Variants in EYS observed in about 807,000 individuals in gnomAD.
The protein encoded by EYS is EGF-like photoreceptor maintenance factor, also known as protein eyes shut homolog.
In EYS, 250 loss-of-function variants were observed where a neutral mutation model predicts 282.1. The observed-to-expected ratio is 0.89, with a 90% CI of 0.80 to 0.98. The LOEUF (loss-of-function observed/expected upper bound fraction) is 0.98, where lower values mean the gene tolerates loss of function less well. Among genes scored for constraint, EYS ranks in the 50% least tolerant of loss-of-function variants. The pLI is 0.00. For missense variants in EYS, 4,016 were observed against 3,709.0 expected, an observed-to-expected ratio of 1.08 and a Z score of -2.15; for synonymous variants, 1,355 against 1,282.9, an observed-to-expected ratio of 1.06 and a Z score of -1.20.
At chr6:65,102,667 T>G (rs1774928207) in intron 12 of EYS, among the ~76,000 whole-genome samples, 1 of 151,320 alleles carries the variant, frequency 6.6e-6, no homozygotes, top group African/African-American at 2.4e-5. Flanking sequence ...TCAGGCTTGA[T>G]AATTTCACAC....
At chr6:64,368,311 C>G (rs1341593083) in intron 29 of EYS, among the ~76,000 whole-genome samples, 2 of 152,032 alleles carry the variant, frequency 1.3e-5, no homozygotes, top group African/African-American at 2.4e-5. Context: ...TGTATATGTA[C>G]CACATATTTT....
chr6:64,227,699 C>A (rs1478689425), intron 31 of EYS, among the ~76,000 whole-genome samples: 1 of 152,002 alleles, frequency 6.6e-6, no homozygotes. Context: ...GGACTCTTCA[C>A]AATAATATTA....
chr6:64,098,169 T>C (rs1314710634), intron 31 of EYS, among the ~76,000 whole-genome samples: 1 of 152,184 alleles, frequency 6.6e-6, no homozygotes, highest in African/African-American at 2.4e-5. Context: ...TTCCTAGATA[T>C]TTCTAGATCT....
chr6:65,520,591 G>A (rs575574077), intron 2 of EYS, among the ~76,000 whole-genome samples: 23 of 151,566 alleles, frequency 1.5e-4, no homozygotes, highest in Non-Finnish European at 2.6e-4. Flanking sequence ...TATCATTTAT[G>A]TAACAGTCTA....
At chr6:65,335,676 C>G (rs1582154416) in intron 10 of EYS, among the ~76,000 whole-genome samples, 1 of 151,652 alleles carries the variant, frequency 6.6e-6, no homozygotes, top group Admixed American at 6.6e-5. Context: ...GCTTGCCTGT[C>G]CCCCATAAAT....
chr6:63,789,256 C>A (rs1342642659), intron 37 of EYS, 32 bp from the exon 38 acceptor site: 1 of 1,539,788 alleles, frequency 6.5e-7, no homozygotes, highest in Admixed American at 2.0e-5. Flanking sequence ...GGAATGCTCA[C>A]TGAGAGGAAA....
chr6:64,026,207 G>A (rs1265400083), intron 33 of EYS, among the ~76,000 whole-genome samples: 1 of 152,130 alleles, frequency 6.6e-6, no homozygotes, highest in Admixed American at 6.6e-5. Context: ...AGGGTCCAGG[G>A]ACTGTTATGG....
At chr6:64,740,738 G>C in intron 22 of EYS, among the ~76,000 whole-genome samples, 1 of 137,250 alleles carries the variant, frequency 7.3e-6, no homozygotes, top group South Asian at 2.3e-4. Flanking sequence ...TTTTTTTACT[G>C]AGTCTCGCTC....
chr6:64,830,845 C>A (rs1226295987), intron 19 of EYS, among the ~76,000 whole-genome samples: 2 of 151,952 alleles, frequency 1.3e-5, no homozygotes, highest in African/African-American at 4.8e-5. Flanking sequence ...ACACTCAATT[C>A]CACAAATAGA....
At chr6:65,519,427 C>T (rs1035901615) in intron 2 of EYS, among the ~76,000 whole-genome samples, 1 of 150,234 alleles carries the variant, frequency 6.7e-6, no homozygotes, top group African/African-American at 2.5e-5. Flanking sequence ...TATGATTTTA[C>T]CTTAAACATT....
chr6:65,301,396 G>A (rs908071384), intron 11 of EYS, among the ~76,000 whole-genome samples: 2 of 152,172 alleles, frequency 1.3e-5, no homozygotes, highest in African/African-American at 4.8e-5. Context: ...CAGAACCCTC[G>A]CGCCCTGCGT....
chr6:63,999,646 C>A (rs918595385), intron 33 of EYS, among the ~76,000 whole-genome samples: 10 of 152,136 alleles, frequency 6.6e-5, no homozygotes, highest in African/African-American at 2.4e-4. Flanking sequence ...AGGCTGCATA[C>A]CCCTGAGCAG....
intron 2 of EYS, among the ~76,000 whole-genome samples, chr6:65,531,862 T>A (rs1446267493): frequency 1.3e-5 from 2 of 152,144 alleles, no homozygotes; most frequent in African/African-American, 4.8e-5. Context: ...CGGTAATATA[T>A]AGAACATCTT....
At chr6:65,658,919 T>C (rs1218837390) in intron 1 of EYS, among the ~76,000 whole-genome samples, 1 of 151,444 alleles carries the variant, frequency 6.6e-6, no homozygotes, top group Non-Finnish European at 1.5e-5. Context: ...TAAACCTTTT[T>C]TTTCTTTTTT....
chr6:64,764,763 A>G (rs1773269815), intron 22 of EYS, among the ~76,000 whole-genome samples: 1 of 152,126 alleles, frequency 6.6e-6, no homozygotes, highest in African/African-American at 2.4e-5. Context: ...GTTTAGACGT[A>G]GTTTTGCACT....
chr6:65,259,586 T>A (rs1261094697), intron 12 of EYS, among the ~76,000 whole-genome samples: 1 of 152,148 alleles, frequency 6.6e-6, no homozygotes, highest in African/African-American at 2.4e-5. Context: ...GTATTTCAGA[T>A]GAAAAATTTA....
chr6:64,725,043 G>T (rs1771708146), intron 22 of EYS, among the ~76,000 whole-genome samples: 2 of 152,128 alleles, frequency 1.3e-5, no homozygotes, highest in African/African-American at 4.8e-5. Context: ...ATTTATTAGG[G>T]TTAATAAATA....
At chr6:64,865,559 C>T (rs1766400870) in intron 19 of EYS, among the ~76,000 whole-genome samples, 1 of 152,112 alleles carries the variant, frequency 6.6e-6, no homozygotes, top group South Asian at 2.1e-4. Flanking sequence ...AAAAAGTTGT[C>T]AGTGTCCAAG....
chr6:64,888,712 G>A (rs377017826), intron 18 of EYS, among the ~76,000 whole-genome samples: 78 of 151,964 alleles, frequency 5.1e-4, no homozygotes, highest in African/African-American at 1.5e-3. Context: ...TTCATTTTGC[G>A]AATATCTCCC....
Sources: allele counts gnomAD v4.1 joint callset (sites outside exome capture counted in the v4.1 genomes callset), GRCh38; gene constraint gnomAD v4.1.1; transcripts MANE v1.5; gene names NCBI Gene and HGNC (gene_info 2026-07-23, HGNC 2026-07-21).